Variants in SLC66A3 observed in about 807,000 individuals in gnomAD.
SLC66A3 encodes solute carrier family 66 member 3.
SLC66A3 carries 23 observed loss-of-function variants against 25.5 expected under a neutral mutation model. That is an observed-to-expected ratio of 0.90 (90% CI 0.65 to 1.28). The LOEUF (loss-of-function observed/expected upper bound fraction) is 1.28, where lower values mean the gene tolerates loss of function less well. SLC66A3 is among the 50% of genes most tolerant of loss of function. The pLI is 0.00. For missense variants in SLC66A3, 246 were observed against 262.1 expected, an observed-to-expected ratio of 0.94 and a Z score of 0.42; for synonymous variants, 108 against 112.6, an observed-to-expected ratio of 0.96 and a Z score of 0.26.
At chr2:11,177,384 C>T (rs1322117686) in intron 6 of SLC66A3, among the ~76,000 whole-genome samples, 5 of 150,856 alleles carry the variant, frequency 3.3e-5, no homozygotes, top group Admixed American at 2.0e-4. Context: ...CACTTGAACC[C>T]AGAAGGTGGA....
intron 5 of SLC66A3, chr2:11,172,639 C>A: frequency 3.9e-6 from 1 of 255,308 alleles, no homozygotes; most frequent in Non-Finnish European, 8.4e-6. Context: ...GGTTCTTCTG[C>A]ATCTTAAAGG....
intron 4 of SLC66A3, among the ~76,000 whole-genome samples, chr2:11,170,455 G>A (rs1662509013): frequency 6.6e-6 from 1 of 152,144 alleles, no homozygotes; most frequent in East Asian, 1.9e-4. Context: ...TATAGCAGAG[G>A]CCTGAGCGCA....
intron 1 of SLC66A3, among the ~76,000 whole-genome samples, chr2:11,158,505 A>C (rs1348904594): frequency 6.6e-6 from 1 of 152,230 alleles, no homozygotes; most frequent in Non-Finnish European, 1.5e-5. Context: ...TACTAAAGAT[A>C]CAAAAAATTA....
chr2:11,160,801 TAAAAAAA>T (rs35227502), intron 3 of SLC66A3, 107 bp downstream of exon 3: 83 of 1,225,492 alleles, frequency 6.8e-5, no homozygotes, highest in Non-Finnish European at 6.6e-5. Flanking sequence ...TTGGTTAAAC[TAAAAAAA>T]AAAAAAAAAA....
In SLC66A3 at chr2:11,155,599, C is replaced by T; in HGVS notation, c.53C>T (p.Ala18Val). 1 of 1,519,604 alleles carries T rather than the reference C, an allele frequency of 6.6e-7. No individual in the cohort carries two copies. Among genetic ancestry groups the T allele is most frequent in the Non-Finnish European group, 8.7e-7 (1 of 1,143,788 alleles). 94.1% of individuals were successfully genotyped at this position (1,519,604 alleles called of 1,614,324 possible). A position where few individuals can be genotyped will look rare whatever the true frequency, so the allele number is the denominator to read the frequency against. ...LCNWSTLGVC[A>V]ALKLPQISAV... The stretch of plus-strand genomic sequence containing the variant: ...AACTGGAGCACGCTGGGCGTGTGCG[C>T]CGCGCTGAAGCTGCCGCAGATCTCC... Residue 18 changes from alanine to valine, a missense_variant, in exon 1 of 7, where the codon GCC becomes GTC. This residue lies in a region of SLC66A3 where 142 missense variants were observed against 130.3 expected (regional missense o/e 1.09). Coordinates refer to ENST00000295083, the MANE Select transcript of SLC66A3 (RefSeq NM_152391.5).
At chr2:11,160,094 G>A (rs1315745972) in intron 1 of SLC66A3, among the ~76,000 whole-genome samples, 1 of 152,212 alleles carries the variant, frequency 6.6e-6, no homozygotes, top group Non-Finnish European at 1.5e-5. Context: ...AGGGGCAGCT[G>A]CCGGGGTCAG....
chr2:11,170,595 T>C (rs527738633), intron 4 of SLC66A3, among the ~76,000 whole-genome samples: 17 of 151,362 alleles, frequency 1.1e-4, no homozygotes, highest in African/African-American at 4.1e-4. Flanking sequence ...CTCAGTACTT[T>C]TTTTTTTTTT....
Position 11,168,006 on chromosome 2 carries a change from T to C in SLC66A3, c.354+3745T>C, listed in dbSNP as rs573127095. Among the ~76,000 whole-genome samples the C allele has an allele frequency of 2.1e-3, 316 of 152,262 alleles. 1 individual carries two copies. The highest frequency in any genetic ancestry group is 0.012 in the South Asian group (59 of 4,820). ...CTTAAAAATGATCTGCAAGGCCGGG[T>C]GCGGTGGCTCACGCCTGTGATCCCA... On this transcript the variant is annotated intron_variant, in intron 4 of 6. Coordinates refer to ENST00000295083, the MANE Select transcript of SLC66A3 (RefSeq NM_152391.5).
intron 4 of SLC66A3, among the ~76,000 whole-genome samples, chr2:11,167,414 G>C (rs997017158): frequency 1.3e-5 from 2 of 152,200 alleles, no homozygotes; most frequent in African/African-American, 4.8e-5. Flanking sequence ...TTGCACTCCA[G>C]CCTGGGCAAC....
chr2:11,165,414 C>G lies in SLC66A3; in HGVS notation c.354+1153C>G, dbSNP rs559047843. 2.8e-5 allele frequency among the ~76,000 whole-genome samples: 4 copies of G among 144,890 alleles called. No homozygotes were observed. The South Asian group carries it at 8.8e-4, about 32-fold the overall frequency. Reference sequence around the variant, plus strand: ...GCCGGGAAGAGGTGCTCCTCACTTCCCAGACTGGGCAGCCGGGCAGAGGGG... The same window carrying G: ...GCCGGGAAGAGGTGCTCCTCACTTCGCAGACTGGGCAGCCGGGCAGAGGGG... On this transcript the variant is annotated intron_variant, in intron 4 of 6. Transcript: ENST00000295083.
chr2:11,166,392 AG>A (rs1662344667), intron 4 of SLC66A3, among the ~76,000 whole-genome samples: 2 of 152,042 alleles, frequency 1.3e-5, no homozygotes, highest in African/African-American at 4.8e-5. Flanking sequence ...CGAGAAAAGG[AG>A]GAGAACTAAC....
chr2:11,168,482 A>G (rs1334296801), intron 4 of SLC66A3, among the ~76,000 whole-genome samples: 1 of 152,184 alleles, frequency 6.6e-6, no homozygotes, highest in Admixed American at 6.5e-5. Flanking sequence ...TGAATCTGGT[A>G]GAATATCTAG....
At chr2:11,172,797 C>T (rs1168218266) in intron 5 of SLC66A3, 3 of 430,048 alleles carry the variant, frequency 7.0e-6, no homozygotes, top group African/African-American at 4.1e-5. Context: ...ACGATCTTCA[C>T]TCACTGCGGG....
chr2:11,164,342 TATA>T (rs1380085005), intron 4 of SLC66A3, 81 bp downstream of exon 4: 8 of 136,366 alleles, frequency 5.9e-5, no homozygotes, highest in Middle Eastern at 1.7e-3. Flanking sequence ...TATATATATA[TATA>T]TTTTTTTTTT....
intron 1 of SLC66A3, among the ~76,000 whole-genome samples, chr2:11,156,615 G>T (rs1661912408): frequency 1.3e-5 from 2 of 152,178 alleles, no homozygotes; most frequent in Admixed American, 6.5e-5. Flanking sequence ...GTGGGAGGGT[G>T]AGGGGTCCCA....
Position 11,172,063 on chromosome 2 carries a change from A to G in SLC66A3, c.475+18A>G, listed in dbSNP as rs1359793262. 4.3e-6 allele frequency: 7 copies of G among 1,612,962 alleles called. No homozygotes were observed. Among genetic ancestry groups the G allele is most frequent in the Non-Finnish European group, 5.9e-6 (7 of 1,179,398 alleles). On this transcript the variant is annotated intron_variant, in intron 5 of 6. Transcript: ENST00000295083. ...CTGTGCAAGTAAGAACCGGACTCAC[A>G]TGGTGGGGAGGCCTTTGGTAGCACC...
At chr2:11,172,466 A>G (rs1662589553) in intron 5 of SLC66A3, among the ~76,000 whole-genome samples, 1 of 152,236 alleles carries the variant, frequency 6.6e-6, no homozygotes, top group African/African-American at 2.4e-5. Context: ...CGGCAGCCAC[A>G]TTGTTTGGTC....
At chr2:11,166,521 C>T (rs1446206662) in intron 4 of SLC66A3, among the ~76,000 whole-genome samples, 1 of 152,206 alleles carries the variant, frequency 6.6e-6, no homozygotes, top group African/African-American at 2.4e-5. Context: ...TACATTTCAA[C>T]CCTGTGACTT....
intron 1 of SLC66A3, among the ~76,000 whole-genome samples, chr2:11,157,496 CA>C (rs1310834442): frequency 2.6e-5 from 4 of 152,142 alleles, no homozygotes; most frequent in Non-Finnish European, 5.9e-5. Context: ...ATGCCCTTCC[CA>C]GCCTTGCCTG....
Sources: gnomAD v4.1 joint callset for allele counts (sites outside exome capture counted in the v4.1 genomes callset) on GRCh38, gnomAD v4.1.1 for gene constraint, gnomAD v4.1.1 regional missense constraint, MANE v1.5 for transcripts, NCBI Gene and HGNC (gene_info 2026-07-23, HGNC 2026-07-21) for gene names.